Variants in LRBA observed in about 807,000 individuals in gnomAD.
LRBA encodes LPS responsive beige-like anchor protein, also known as lipopolysaccharide-responsive and beige-like anchor protein.
Under a neutral mutation model 330.0 loss-of-function variants are expected in LRBA, and 176 were observed. The observed-to-expected ratio is 0.53, with a 90% CI of 0.47 to 0.60. The LOEUF (loss-of-function observed/expected upper bound fraction) is 0.60, where lower values mean the gene tolerates loss of function less well. Ranked by LOEUF, LRBA falls within the 20% of genes least tolerant of loss-of-function variation. The pLI is 0.00. For synonymous variants in LRBA, 1,230 were observed against 1,193.0 expected, an observed-to-expected ratio of 1.03 and a Z score of -0.64; for missense variants, 3,259 against 3,444.8, an observed-to-expected ratio of 0.95 and a Z score of 1.35.
At chr4:150,756,958 T>A (rs894956758) in intron 35 of LRBA, among the ~76,000 whole-genome samples, 1 of 152,196 alleles carries the variant, frequency 6.6e-6, no homozygotes, top group African/African-American at 2.4e-5. Flanking sequence ...ATTCAAGATA[T>A]CATAAAACAC....
In LRBA at chr4:150,794,434, G is replaced by C. The variant is rs562164418; in HGVS notation, c.5580+3647C>G. Reference sequence around the variant, plus strand: ...AAAATGGAGAAGAAACTTGGGATTAGAGAAAAGAAAGTACAGAAGAACAAA... The same window carrying C: ...AAAATGGAGAAGAAACTTGGGATTACAGAAAAGAAAGTACAGAAGAACAAA... On this transcript the variant is annotated intron_variant, in intron 34 of 56. Transcript: ENST00000651943. 9.2e-5 allele frequency among the ~76,000 whole-genome samples: 14 copies of C among 151,796 alleles called. No individual in the cohort carries two copies. In the East Asian group the frequency reaches 2.5e-3, roughly 27 times the overall value.
intron 40 of LRBA, among the ~76,000 whole-genome samples, chr4:150,542,846 C>G (rs1765455419): frequency 6.6e-6 from 1 of 152,080 alleles, no homozygotes; most frequent in South Asian, 2.1e-4. Flanking sequence ...GATAATGACA[C>G]ATCCATAATC....
chr4:150,461,231 A>T (rs1249739110), intron 44 of LRBA, among the ~76,000 whole-genome samples: 1 of 151,776 alleles, frequency 6.6e-6, no homozygotes, highest in Non-Finnish European at 1.5e-5. Flanking sequence ...AATAACATTA[A>T]AACAGAACCA....
At chr4:150,466,434 G>T (rs1755460845) in intron 44 of LRBA, among the ~76,000 whole-genome samples, 1 of 152,124 alleles carries the variant, frequency 6.6e-6, no homozygotes. Context: ...TTTCTGCTAT[G>T]ATTGGGTATT....
intron 37 of LRBA, among the ~76,000 whole-genome samples, chr4:150,671,927 G>T (rs531312013): frequency 5.8e-4 from 89 of 152,300 alleles, no homozygotes; most frequent in African/African-American, 2.1e-3. Flanking sequence ...CAATATGAAG[G>T]AACTGTTTAA....
rs551935974 is a variant in LRBA at position 150,963,530 on chromosome 4, C to G, written c.217-34465G>C. Among the ~76,000 whole-genome samples, 237 of 149,590 alleles carry G rather than the reference C, an allele frequency of 1.6e-3. 4 individuals carry two copies. In the East Asian group the frequency reaches 0.025, roughly 16 times the overall value. On this transcript the variant is annotated intron_variant, in intron 2 of 56. Transcript: ENST00000651943. The stretch of plus-strand genomic sequence containing the variant: ...GGAGTGCAGTGGCGTGATCTCGAAT[C>G]GCTACAACCTCCACCTCCCAGCCGC...
At chr4:150,302,893 G>A in intron 52 of LRBA, 101 bp from the exon 53 acceptor site, 1 of 739,748 alleles carries the variant, frequency 1.4e-6, no homozygotes, top group Non-Finnish European at 2.1e-6. Context: ...AACTCTGATG[G>A]TCATAATTCA....
At chr4:150,717,112 A>G (rs1283401563) in intron 36 of LRBA, among the ~76,000 whole-genome samples, 2 of 152,212 alleles carry the variant, frequency 1.3e-5, no homozygotes, top group African/African-American at 2.4e-5. Flanking sequence ...TTCATCATAT[A>G]CTAGCTATAT....
At chr4:150,530,133 C>G (rs1385037175) in intron 40 of LRBA, among the ~76,000 whole-genome samples, 1 of 152,146 alleles carries the variant, frequency 6.6e-6, no homozygotes, top group African/African-American at 2.4e-5. Context: ...CATATATACT[C>G]TTCATGGTTC....
chr4:150,761,213 T>G (rs1386266079), intron 35 of LRBA, among the ~76,000 whole-genome samples: 1 of 152,100 alleles, frequency 6.6e-6, no homozygotes, highest in Non-Finnish European at 1.5e-5. Flanking sequence ...GATTTCACTC[T>G]TTTACATTTG....
chr4:150,896,559 A>G, intron 15 of LRBA, 103 bp from the exon 16 acceptor site: 1 of 612,262 alleles, frequency 1.6e-6, no homozygotes, highest in East Asian at 3.1e-5. Context: ...CTATAAATAT[A>G]AAAATATAAT....
At chr4:150,927,917 G>A (rs78251624) in intron 4 of LRBA, among the ~76,000 whole-genome samples, 3,394 of 152,168 alleles carry the variant, frequency 0.022, 114 homozygotes, top group African/African-American at 0.077. Context: ...CTGTTGCTGT[G>A]GGCAATGATC....
intron 40 of LRBA, among the ~76,000 whole-genome samples, chr4:150,566,325 C>G (rs966026727): frequency 3.9e-5 from 6 of 152,074 alleles, no homozygotes; most frequent in Admixed American, 3.9e-4. Context: ...CTACATAAAT[C>G]TACCATTTCA....
chr4:150,283,244 A>G (rs1413945619), intron 54 of LRBA, among the ~76,000 whole-genome samples: 1 of 152,150 alleles, frequency 6.6e-6, no homozygotes, highest in African/African-American at 2.4e-5. Flanking sequence ...CTCCTTGGCA[A>G]CTGAGTGAAG....
intron 2 of LRBA, among the ~76,000 whole-genome samples, chr4:150,945,197 C>G (rs1415006318): frequency 6.6e-6 from 1 of 152,118 alleles, no homozygotes; most frequent in African/African-American, 2.4e-5. Flanking sequence ...AAGGCAGAAT[C>G]AAATAATTCG....
chr4:150,302,011 T>A (rs1018419360), intron 53 of LRBA, among the ~76,000 whole-genome samples: 1 of 152,204 alleles, frequency 6.6e-6, no homozygotes, highest in African/African-American at 2.4e-5. Flanking sequence ...TTGGTTTTAA[T>A]GGTAGCTGCT....
intron 2 of LRBA, among the ~76,000 whole-genome samples, chr4:150,974,215 A>T (rs1739896517): frequency 6.6e-6 from 1 of 152,212 alleles, no homozygotes; most frequent in Non-Finnish European, 1.5e-5. Context: ...AGTTGAGACA[A>T]CCATCATTCT....
At chr4:150,513,288 GC>G in intron 40 of LRBA, among the ~76,000 whole-genome samples, 1 of 152,170 alleles carries the variant, frequency 6.6e-6, no homozygotes, top group South Asian at 2.1e-4. Flanking sequence ...ATAATTAATA[GC>G]CTTGGAAGAG....
chr4:150,852,680 T>C lies in LRBA; in HGVS notation c.3030A>G (p.Gln1010=), dbSNP rs1750754663. The C allele has an allele frequency of 3.7e-6, 6 of 1,614,000 alleles. No homozygotes were observed. The highest frequency in any genetic ancestry group is 2.2e-5 in the South Asian group (2 of 91,078). ...SLESASNIEL[Q]TTNTSYEEMK... Reference sequence around the variant, plus strand: ...TTTCTTCATAAGATGTATTAGTAGTTTGCAGTTCAATATTAGATGCAGATT... The same window carrying C: ...TTTCTTCATAAGATGTATTAGTAGTCTGCAGTTCAATATTAGATGCAGATT... Residue 1010 remains glutamine, a synonymous_variant, in exon 23 of 57, where the codon CAA becomes CAG. Coordinates refer to ENST00000651943, the MANE Select transcript of LRBA (RefSeq NM_001364905.1).
Sources: allele counts gnomAD v4.1 joint callset (sites outside exome capture counted in the v4.1 genomes callset), GRCh38; gene constraint gnomAD v4.1.1; transcripts MANE v1.5; gene names NCBI Gene and HGNC (gene_info 2026-07-23, HGNC 2026-07-21).